CPQ: variants seen among roughly 807,000 people sequenced by gnomAD.
The protein encoded by CPQ is carboxypeptidase Q.
A neutral mutation model predicts 45.7 loss-of-function variants in CPQ; 37 were observed. The observed-to-expected ratio is 0.81, with a 90% CI of 0.62 to 1.07. CPQ has a LOEUF of 1.07. Ranked by LOEUF, CPQ falls within the 50% of genes least tolerant of loss-of-function variation. The probability of loss-of-function intolerance (pLI) is 0.00; values close to 1 mark genes in which losing one functional copy is unlikely to be tolerated. For synonymous variants in CPQ, 186 were observed against 205.8 expected (o/e 0.90, Z 0.82); for missense variants, 537 against 572.9 (o/e 0.94, Z 0.64).
At chr8:97,011,319 C>G (rs1809481268) in intron 5 of CPQ, among the ~76,000 whole-genome samples, 3 of 152,216 alleles carry the variant, frequency 2.0e-5, no homozygotes, top group African/African-American at 7.2e-5. Context: ...AATCTAATGT[C>G]TATAGGTCAC....
At chr8:97,013,617 A>T (rs1343107257) in intron 5 of CPQ, among the ~76,000 whole-genome samples, 1 of 152,218 alleles carries the variant, frequency 6.6e-6, no homozygotes, top group Non-Finnish European at 1.5e-5. Context: ...TTGAGAGAAA[A>T]AGAAAGGACA....
chr8:96,675,081 G>T (rs2464482), intron 1 of CPQ, among the ~76,000 whole-genome samples: 94,928 of 151,792 alleles, frequency 0.63, 30,106 homozygotes, highest in Non-Finnish European at 0.68. Flanking sequence ...TCAGAGAAAA[G>T]AAATTATATT....
intron 1 of CPQ, among the ~76,000 whole-genome samples, chr8:96,647,549 C>G (rs530203966): frequency 2.0e-5 from 3 of 152,244 alleles, no homozygotes; most frequent in East Asian, 1.9e-4. Context: ...AAAACTCAAG[C>G]AGATGGAAAC....
intron 3 of CPQ, among the ~76,000 whole-genome samples, chr8:96,863,126 A>G (rs1385120919): frequency 6.6e-6 from 1 of 152,136 alleles, no homozygotes; most frequent in Non-Finnish European, 1.5e-5. Flanking sequence ...ATTCTAACCA[A>G]TTCAGATATG....
In CPQ at chr8:96,879,832, G is replaced by T; in HGVS notation, c.676G>T (p.Val226Leu). 1 of 1,614,048 alleles carries T rather than the reference G, an allele frequency of 6.2e-7. No individual in the cohort carries two copies. Among genetic ancestry groups the T allele is most frequent in the Non-Finnish European group, 8.5e-7 (1 of 1,179,954 alleles). The change falls in exon 4 of 8, where the codon GTG becomes TTG. Residue 226 changes from valine to leucine, a missense_variant. Coordinates refer to ENST00000220763, the MANE Select transcript of CPQ (RefSeq NM_016134.4). ...HTGIQEYQDG[V>L]PKIPTACITV... Reference sequence around the variant, plus strand: ...AGGTATTCAGGAATACCAGGATGGCGTGCCCAAGATTCCAACAGCCTGTAT... The same window carrying T: ...AGGTATTCAGGAATACCAGGATGGCTTGCCCAAGATTCCAACAGCCTGTAT...
At chr8:97,044,657 T>A (rs1049453216) in intron 6 of CPQ, among the ~76,000 whole-genome samples, 1 of 152,158 alleles carries the variant, frequency 6.6e-6, no homozygotes, top group Non-Finnish European at 1.5e-5. Flanking sequence ...TACAGATGGG[T>A]TTTTGGTGTG....
At chr8:96,684,484 G>A (rs116367577) in intron 1 of CPQ, among the ~76,000 whole-genome samples, 3,676 of 152,240 alleles carry the variant, frequency 0.024, 160 homozygotes, top group African/African-American at 0.084. Flanking sequence ...GCTGTGGCAG[G>A]TACGGTTAGG....
chr8:96,772,701 T>C (rs146511625), intron 1 of CPQ, among the ~76,000 whole-genome samples: 2,281 of 152,206 alleles, frequency 0.015, 34 homozygotes, highest in South Asian at 0.03. Flanking sequence ...ATATAAAATG[T>C]TTTAGATGTC....
intron 1 of CPQ, among the ~76,000 whole-genome samples, chr8:96,774,097 C>T (rs981650453): frequency 1.3e-5 from 2 of 151,976 alleles, no homozygotes; most frequent in Non-Finnish European, 2.9e-5. Context: ...ATGGTAAAAT[C>T]CCATCTCTAC....
intron 5 of CPQ, among the ~76,000 whole-genome samples, chr8:96,982,908 C>T (rs1362317288): frequency 2.0e-4 from 30 of 151,984 alleles, no homozygotes; most frequent in Admixed American, 1.9e-3. Flanking sequence ...TATTCTTTGC[C>T]CTTTTTTAAA....
chr8:96,894,537 A>G (rs1812419303), intron 4 of CPQ, among the ~76,000 whole-genome samples: 1 of 152,232 alleles, frequency 6.6e-6, no homozygotes, highest in South Asian at 2.1e-4. Flanking sequence ...GAAACTGCAC[A>G]GTACAGCACA....
chr8:96,833,339 A>G (rs960826718), intron 2 of CPQ, among the ~76,000 whole-genome samples: 1 of 152,216 alleles, frequency 6.6e-6, no homozygotes, highest in Non-Finnish European at 1.5e-5. Context: ...GAATGGAAGC[A>G]TAGACCATAA....
intron 4 of CPQ, among the ~76,000 whole-genome samples, chr8:96,917,897 G>A (rs553535304): frequency 4.0e-4 from 61 of 152,144 alleles, no homozygotes; most frequent in African/African-American, 1.4e-3. Flanking sequence ...TAGATGTATT[G>A]TTTCAGAATT....
chr8:96,846,046 G>C (rs1811684349), intron 3 of CPQ, among the ~76,000 whole-genome samples: 1 of 152,134 alleles, frequency 6.6e-6, no homozygotes, highest in African/African-American at 2.4e-5. Flanking sequence ...TCGAACTCCT[G>C]ACCTCAAGTG....
chr8:96,879,407 G>A (rs1239081715), intron 3 of CPQ, among the ~76,000 whole-genome samples: 2 of 152,190 alleles, frequency 1.3e-5, no homozygotes, highest in African/African-American at 4.8e-5. Context: ...ATCTGGGCCA[G>A]TTTTATTCCA....
At chr8:96,908,997 C>A (rs1428660149) in intron 4 of CPQ, among the ~76,000 whole-genome samples, 2 of 152,084 alleles carry the variant, frequency 1.3e-5, no homozygotes, top group Non-Finnish European at 2.9e-5. Flanking sequence ...GGTCAGTGTT[C>A]CATCTTGGAT....
chr8:96,975,673 G>A (rs572834809), intron 5 of CPQ, among the ~76,000 whole-genome samples: 53 of 152,218 alleles, frequency 3.5e-4, no homozygotes, highest in Middle Eastern at 6.8e-3. Context: ...TACTAGGGAT[G>A]CAGGGTTGAT....
Position 96,897,473 on chromosome 8 carries a change from C to T in CPQ, c.849+17468C>T, listed in dbSNP as rs541020234. 2.6e-5 allele frequency among the ~76,000 whole-genome samples: 4 copies of T among 152,176 alleles called. No individual in the cohort carries two copies. In the East Asian group the frequency reaches 7.7e-4, roughly 29 times the overall value. On this transcript the variant is annotated intron_variant, in intron 4 of 7. Transcript: ENST00000220763. ...CTAAAAATACAAACTCTGGAATGCTCCAAAATTTGAAACTTTTTGAGTACC... is the reference window on the plus strand; with the variant it reads ...CTAAAAATACAAACTCTGGAATGCTTCAAAATTTGAAACTTTTTGAGTACC...
chr8:96,703,508 A>C (rs988431783), intron 1 of CPQ, among the ~76,000 whole-genome samples: 3 of 152,202 alleles, frequency 2.0e-5, no homozygotes, highest in Non-Finnish European at 4.4e-5. Flanking sequence ...TAAGAAATAC[A>C]TGAATGGACC....
Sources: gnomAD v4.1 joint callset for allele counts (sites outside exome capture counted in the v4.1 genomes callset) on GRCh38, gnomAD v4.1.1 for gene constraint, MANE v1.5 for transcripts, NCBI Gene and HGNC (gene_info 2026-07-23, HGNC 2026-07-21) for gene names.